The following NMNAT2 variants were observed in gnomAD, a reference collection of about 807,000 sequenced individuals.
NMNAT2 encodes the protein nicotinamide nucleotide adenylyltransferase 2.
In NMNAT2, 11 loss-of-function variants were observed where a neutral mutation model predicts 41.6. The observed-to-expected ratio is 0.26, with a 90% CI of 0.17 to 0.44. The LOEUF (loss-of-function observed/expected upper bound fraction) is 0.44, where lower values mean the gene tolerates loss of function less well. Among genes scored for constraint, NMNAT2 ranks in the 20% least tolerant of loss-of-function variants. NMNAT2 has a pLI of 1.00. For synonymous variants in NMNAT2, 148 were observed against 151.2 expected, an observed-to-expected ratio of 0.98 and a Z score of 0.16; for missense variants, 288 against 407.7, an observed-to-expected ratio of 0.71 and a Z score of 2.53.
chr1:183,271,811 G>T (rs1660994136), intron 8 of NMNAT2, among the ~76,000 whole-genome samples: 2 of 151,806 alleles, frequency 1.3e-5, no homozygotes, highest in Non-Finnish European at 2.9e-5. Flanking sequence ...GGAGTGCAGT[G>T]GCGCTCTCTC....
intron 7 of NMNAT2, among the ~76,000 whole-genome samples, chr1:183,280,908 C>G (rs949224297): frequency 7.3e-5 from 11 of 150,638 alleles, no homozygotes; most frequent in African/African-American, 2.7e-4. Flanking sequence ...GCCTCAGCCT[C>G]CTGAGCAGCT....
intron 1 of NMNAT2, among the ~76,000 whole-genome samples, chr1:183,410,247 C>T (rs975140550): frequency 1.2e-4 from 18 of 151,738 alleles, no homozygotes; most frequent in African/African-American, 1.9e-4. Context: ...CACTTTAACC[C>T]GGGAGGTGGA....
chr1:183,273,837 CCCTCCCTTCCTTCCTTCCTTCCTTCCTT>C (rs1414039113), intron 8 of NMNAT2, among the ~76,000 whole-genome samples: 1 of 2,922 alleles, frequency 3.4e-4, no homozygotes, highest in Non-Finnish European at 2.0e-3. Context: ...CTCCCTCCCT[CCCTCCCTTCCTTCCTTCCTTCCTTCCTT>C]CCTTCCTTCC....
intron 1 of NMNAT2, among the ~76,000 whole-genome samples, chr1:183,409,802 G>C (rs1649065228): frequency 6.6e-6 from 1 of 152,146 alleles, no homozygotes; most frequent in Admixed American, 6.5e-5. Context: ...AGGGTGAACT[G>C]AGTTCACCAA....
chr1:183,404,630 A>G (rs917641889), intron 1 of NMNAT2, among the ~76,000 whole-genome samples: 6 of 152,172 alleles, frequency 3.9e-5, no homozygotes, highest in African/African-American at 1.4e-4. Context: ...ATTGTGTCCA[A>G]TAGGAGCTCT....
At chr1:183,352,562 CAAAAAAAAAAAA>C (rs55706245) in intron 1 of NMNAT2, among the ~76,000 whole-genome samples, 3 of 79,162 alleles carry the variant, frequency 3.8e-5, no homozygotes, top group African/African-American at 1.5e-4. Context: ...CAGTCTGTCT[CAAAAAAAAAAAA>C]AAAAAAAAAA....
At chr1:183,327,581 T>C (rs962304724) in intron 1 of NMNAT2, among the ~76,000 whole-genome samples, 1 of 152,224 alleles carries the variant, frequency 6.6e-6, no homozygotes, top group Non-Finnish European at 1.5e-5. Flanking sequence ...ATCTGTACAC[T>C]GCACAGACAT....
At chr1:183,262,840 A>G (rs1174775813) in intron 8 of NMNAT2, among the ~76,000 whole-genome samples, 2 of 152,188 alleles carry the variant, frequency 1.3e-5, no homozygotes, top group East Asian at 3.8e-4. Flanking sequence ...CGGATCCCAG[A>G]TGGGGGAAGA....
At chr1:183,271,298 A>T (rs191485903) in intron 8 of NMNAT2, among the ~76,000 whole-genome samples, 3 of 152,272 alleles carry the variant, frequency 2.0e-5, no homozygotes, top group African/African-American at 7.2e-5. Flanking sequence ...ACCTATTTCA[A>T]CCAACCAGAA....
intron 1 of NMNAT2, among the ~76,000 whole-genome samples, chr1:183,365,015 A>G (rs10911319): frequency 0.13 from 19,953 of 152,164 alleles, 1,403 homozygotes; most frequent in South Asian, 0.25. Context: ...AGGAACCTCA[A>G]CCTTCTCTAG....
intron 8 of NMNAT2, among the ~76,000 whole-genome samples, chr1:183,275,857 A>G (rs1256892971): frequency 6.6e-6 from 1 of 152,086 alleles, no homozygotes; most frequent in Non-Finnish European, 1.5e-5. Flanking sequence ...TATTTTTAGT[A>G]GAGACAGGGT....
At chr1:183,284,111 G>A in intron 6 of NMNAT2, 72 bp from the exon 7 acceptor site, 1 of 1,386,244 alleles carries the variant, frequency 7.2e-7, no homozygotes, top group South Asian at 1.3e-5. Flanking sequence ...GTCTGCCTGA[G>A]GGCCTCAGCA....
chr1:183,283,582 G>T (rs80186970), intron 7 of NMNAT2: 3,302 of 314,496 alleles, frequency 0.01, 96 homozygotes, highest in African/African-American at 0.068. Context: ...GAGGTGTGGA[G>T]GTGGCTTTCA....
chr1:183,386,760 A>G (rs1186996118), intron 1 of NMNAT2, among the ~76,000 whole-genome samples: 1 of 152,164 alleles, frequency 6.6e-6, no homozygotes, highest in Non-Finnish European at 1.5e-5. Flanking sequence ...AGTATAATAT[A>G]TAGTTATGTT....
chr1:183,393,487 A>AAT (rs1248691680), intron 1 of NMNAT2, among the ~76,000 whole-genome samples: 1 of 152,022 alleles, frequency 6.6e-6, no homozygotes, highest in Non-Finnish European at 1.5e-5. Context: ...AAAAAAAAAA[A>AAT]ACAGCTTGCT....
chr1:183,388,686 T>A (rs56276812), intron 1 of NMNAT2, among the ~76,000 whole-genome samples: 14,117 of 152,294 alleles, frequency 0.093, 809 homozygotes, highest in Middle Eastern at 0.18. Context: ...CCAACACTTT[T>A]AAAATAATTC....
At chr1:183,321,285 C>T (rs1467202596) in intron 1 of NMNAT2, among the ~76,000 whole-genome samples, 2 of 152,064 alleles carry the variant, frequency 1.3e-5, no homozygotes, top group East Asian at 1.9e-4. Context: ...GTTCATGAAG[C>T]CCAAACCATA....
At chr1:183,374,555 A>T (rs1040044303) in intron 1 of NMNAT2, among the ~76,000 whole-genome samples, 3 of 152,212 alleles carry the variant, frequency 2.0e-5, no homozygotes, top group Non-Finnish European at 4.4e-5. Flanking sequence ...GATGCTGACA[A>T]ATTTCTCCAG....
chr1:183,401,758 C>G (rs1357136637), intron 1 of NMNAT2, among the ~76,000 whole-genome samples: 7 of 152,108 alleles, frequency 4.6e-5, no homozygotes, highest in African/African-American at 1.7e-4. Flanking sequence ...AGTTCATGTC[C>G]TTTGTAGGGA....
Sources: gnomAD v4.1 joint callset for allele counts (sites outside exome capture counted in the v4.1 genomes callset) on GRCh38, gnomAD v4.1.1 for gene constraint, MANE v1.5 for transcripts, NCBI Gene and HGNC (gene_info 2026-07-23, HGNC 2026-07-21) for gene names.